The following CACNG4 variants were observed in gnomAD, a reference collection of about 807,000 sequenced individuals.
CACNG4 encodes voltage-dependent calcium channel gamma-4 subunit.
Under a neutral mutation model 22.9 loss-of-function variants are expected in CACNG4, and 8 were observed. The observed-to-expected ratio is 0.35, with a 90% confidence interval of 0.21 to 0.63. CACNG4 has a LOEUF of 0.63. Ranked by LOEUF, CACNG4 falls within the 30% of genes least tolerant of loss-of-function variation. CACNG4 has a pLI of 0.72. For synonymous variants in CACNG4, 188 were observed against 191.9 expected, an observed-to-expected ratio of 0.98 and a Z score of 0.17; for missense variants, 357 against 455.4, an observed-to-expected ratio of 0.78 and a Z score of 1.97.
rs60971301 is a variant in CACNG4, at chr17:66,972,985, C to T, written c.220+7854C>T. ...CAGAGGCCAGGTGCAGTGGCTCGCG[C>T]CTATAATCTTAGCACTTTGGGAGGC... is the stretch of plus-strand genomic sequence containing the variant. On this transcript the variant is annotated intron_variant, in intron 1 of 3. Transcript: ENST00000262138. 7.6e-3 allele frequency among the ~76,000 whole-genome samples: 1,157 copies of T among 151,576 alleles called. 42 individuals are homozygous for T. The East Asian group carries it at 0.14, about 18-fold the overall frequency.
intron 1 of CACNG4, among the ~76,000 whole-genome samples, chr17:66,991,214 G>A (rs1246224698): frequency 2.0e-5 from 3 of 152,010 alleles, no homozygotes; most frequent in Non-Finnish European, 2.9e-5. Context: ...GCTTGATCTC[G>A]GCAGGTCCTA....
intron 1 of CACNG4, among the ~76,000 whole-genome samples, chr17:66,994,020 TAAA>T (rs58662640): frequency 0.018 from 2,557 of 142,472 alleles, 65 homozygotes; most frequent in African/African-American, 0.06. Context: ...AATATACACA[TAAA>T]AAAAAAAAAA....
intron 1 of CACNG4, among the ~76,000 whole-genome samples, chr17:66,966,990 G>T (rs1276814628): frequency 6.6e-6 from 1 of 152,178 alleles, no homozygotes; most frequent in Non-Finnish European, 1.5e-5. Context: ...GTTCCATCAG[G>T]TGCCAACTGC....
chr17:66,988,984 C>T (rs1300377213), intron 1 of CACNG4, among the ~76,000 whole-genome samples: 1 of 149,450 alleles, frequency 6.7e-6, no homozygotes, highest in East Asian at 2.0e-4. Flanking sequence ...TCACTTGAAT[C>T]CAGTAGGTGG....
At chr17:66,989,617 G>A (rs12450221) in intron 1 of CACNG4, among the ~76,000 whole-genome samples, 7,405 of 151,632 alleles carry the variant, frequency 0.049, 441 homozygotes, top group African/African-American at 0.1. Flanking sequence ...ACCAATACAA[G>A]GAGATTAATT....
At chr17:67,012,929 T>C (rs1194724658) in intron 1 of CACNG4, among the ~76,000 whole-genome samples, 1 of 152,178 alleles carries the variant, frequency 6.6e-6, no homozygotes, top group African/African-American at 2.4e-5. Flanking sequence ...TGAAAATGCA[T>C]TGCAAATGAC....
chr17:66,967,865 G>A (rs2035179634), intron 1 of CACNG4, among the ~76,000 whole-genome samples: 1 of 151,922 alleles, frequency 6.6e-6, no homozygotes, highest in Non-Finnish European at 1.5e-5. Flanking sequence ...CCCTCTGTGT[G>A]CTTAAGGTAT....
chr17:66,977,698 T>C (rs2035246328), intron 1 of CACNG4, among the ~76,000 whole-genome samples: 1 of 152,170 alleles, frequency 6.6e-6, no homozygotes, highest in East Asian at 1.9e-4. Flanking sequence ...ACCTCTCTCT[T>C]GTTTTTTTCT....
At chr17:67,014,374 G>A (rs115978665) in intron 1 of CACNG4, among the ~76,000 whole-genome samples, 31 of 152,222 alleles carry the variant, frequency 2.0e-4, no homozygotes, top group African/African-American at 7.2e-4. Flanking sequence ...AGTCCTTAGC[G>A]CCAAGCATTC....
intron 1 of CACNG4, among the ~76,000 whole-genome samples, chr17:67,013,353 T>G (rs767787177): frequency 1.8e-4 from 27 of 152,154 alleles, no homozygotes; most frequent in Non-Finnish European, 3.7e-4. Flanking sequence ...TTTCTTAGTT[T>G]TATTGGTTCA....
intron 1 of CACNG4, among the ~76,000 whole-genome samples, chr17:66,973,281 A>G (rs2035216220): frequency 6.6e-6 from 1 of 151,264 alleles, no homozygotes; most frequent in Non-Finnish European, 1.5e-5. Flanking sequence ...TAAGTGGGGG[A>G]AGCGATCCTA....
At chr17:66,991,264 A>C (rs947590157) in intron 1 of CACNG4, among the ~76,000 whole-genome samples, 3 of 151,892 alleles carry the variant, frequency 2.0e-5, no homozygotes, top group East Asian at 1.9e-4. Context: ...CCTTCTCCCA[A>C]ATGGTAAGAA....
intron 1 of CACNG4, among the ~76,000 whole-genome samples, chr17:67,004,347 C>T (rs557340108): frequency 6.6e-6 from 1 of 152,316 alleles, no homozygotes; most frequent in East Asian, 1.9e-4. Context: ...AATCCTGGCC[C>T]TCTCTGGAAC....
At chr17:67,028,559 G>A (rs4790995) in intron 3 of CACNG4, among the ~76,000 whole-genome samples, 96,726 of 150,826 alleles carry the variant, frequency 0.64, 32,159 homozygotes, top group East Asian at 0.91. Context: ...TCTCAAAAAA[G>A]AAAAACAAAA....
intron 1 of CACNG4, among the ~76,000 whole-genome samples, chr17:67,001,219 G>A (rs143097582): frequency 4.6e-5 from 7 of 152,132 alleles, no homozygotes; most frequent in African/African-American, 9.6e-5. Flanking sequence ...GAGGGCTCCC[G>A]GCCACTTGGA....
intron 3 of CACNG4, among the ~76,000 whole-genome samples, chr17:67,029,475 CAA>C (rs34320075): frequency 6.6e-6 from 1 of 150,450 alleles, no homozygotes; most frequent in African/African-American, 2.4e-5. Flanking sequence ...ACTAAAAATA[CAA>C]AAAAAAATTG....
intron 1 of CACNG4, among the ~76,000 whole-genome samples, chr17:66,982,516 A>G (rs1331356043): frequency 6.0e-4 from 92 of 152,158 alleles, no homozygotes; most frequent in Non-Finnish European, 1.6e-4. Flanking sequence ...GTGTTTTACA[A>G]TCGTAGCTAC....
At chr17:66,996,874 G>A (rs1451470647) in intron 1 of CACNG4, among the ~76,000 whole-genome samples, 1 of 152,214 alleles carries the variant, frequency 6.6e-6, no homozygotes, top group Admixed American at 6.5e-5. Context: ...ACAGGTCCCT[G>A]AGGGCTTCTT....
intron 1 of CACNG4, among the ~76,000 whole-genome samples, chr17:66,990,469 C>T (rs1038440016): frequency 1.3e-5 from 2 of 152,132 alleles, no homozygotes; most frequent in African/African-American, 2.4e-5. Context: ...CACACAGCAG[C>T]GGGTGGGTAT....
Sources: allele counts gnomAD v4.1 joint callset (sites outside exome capture counted in the v4.1 genomes callset), GRCh38; gene constraint gnomAD v4.1.1; transcripts MANE v1.5; gene names NCBI Gene and HGNC (gene_info 2026-07-23, HGNC 2026-07-21).